The following TTC7B variants were observed in gnomAD, a reference collection of about 807,000 sequenced individuals.
TTC7B encodes tetratricopeptide repeat protein 7B.
Under a neutral mutation model 106.8 loss-of-function variants are expected in TTC7B, and 28 were observed. The ratio of observed to expected loss-of-function variants is 0.26; its 90% confidence interval spans 0.19 to 0.36. TTC7B has a LOEUF of 0.36. TTC7B is among the 10% of genes least tolerant of loss of function. The pLI is 1.00. For synonymous variants in TTC7B, 405 were observed against 430.6 expected (o/e 0.94, Z 0.74); for missense variants, 862 against 1,076.4 (o/e 0.80, Z 2.79).
At chr14:90,613,992 T>A (rs1595207691) in intron 16 of TTC7B, among the ~76,000 whole-genome samples, 1 of 152,166 alleles carries the variant, frequency 6.6e-6, no homozygotes, top group African/African-American at 2.4e-5. Context: ...GGCTTGGTGG[T>A]GGTGGGGCGG....
chr14:90,549,962 A>G (rs1890006414), intron 19 of TTC7B, among the ~76,000 whole-genome samples: 1 of 152,140 alleles, frequency 6.6e-6, no homozygotes, highest in Non-Finnish European at 1.5e-5. Context: ...CATAAGACTG[A>G]TGGAACAGAC....
intron 2 of TTC7B, among the ~76,000 whole-genome samples, chr14:90,781,717 G>A (rs1352184827): frequency 3.3e-5 from 5 of 152,088 alleles, no homozygotes; most frequent in Non-Finnish European, 7.4e-5. Flanking sequence ...TTTCCAGGGC[G>A]AAGTTTCTCA....
chr14:90,698,839 G>A, intron 5 of TTC7B: 1 of 223,022 alleles, frequency 4.5e-6, no homozygotes, highest in South Asian at 5.5e-5. Flanking sequence ...ATTATGGAGA[G>A]CTCAGGCCAG....
chr14:90,556,437 C>T (rs1421407765), intron 19 of TTC7B, among the ~76,000 whole-genome samples: 1 of 152,178 alleles, frequency 6.6e-6, no homozygotes, highest in Non-Finnish European at 1.5e-5. Flanking sequence ...GGGGGGCCTG[C>T]TGCATGCCAG....
In TTC7B at chr14:90,541,369, C is replaced by T; in HGVS notation, c.2531G>A (p.Ter844=). ...CAGGTGAGGCTGGCAGGCGCCTGCT[C>T]AGAGCACGCGGGGGATGATGGTGAA... ...VPFTIIPRVL[*] The change falls in exon 20 of 20, where the codon TGA becomes TAA. Residue 844 remains the stop codon, a stop_retained_variant. Coordinates refer to ENST00000328459, the MANE Select transcript of TTC7B (RefSeq NM_001010854.2). 1 of 1,594,402 alleles carries T rather than the reference C, an allele frequency of 6.3e-7. No individual in the cohort carries two copies. Among genetic ancestry groups the T allele is most frequent in the Non-Finnish European group, 8.5e-7 (1 of 1,171,050 alleles).
intron 19 of TTC7B, among the ~76,000 whole-genome samples, chr14:90,576,214 C>T (rs768003186): frequency 3.9e-5 from 6 of 152,100 alleles, no homozygotes; most frequent in African/African-American, 7.2e-5. Context: ...CATGCAGCCT[C>T]TTTTTAATAA....
intron 1 of TTC7B, among the ~76,000 whole-genome samples, chr14:90,809,396 C>A (rs565621506): frequency 5.9e-5 from 9 of 152,338 alleles, no homozygotes; most frequent in African/African-American, 2.2e-4. Flanking sequence ...GGCCAGGGCC[C>A]CTACAGTGAA....
At position 90,548,543 on chromosome 14, in the gene TTC7B, G is replaced by C. The variant is rs1243381599; in HGVS notation, c.2311-6954C>G. On this transcript the variant is annotated intron_variant, in intron 19 of 19. Coordinates refer to ENST00000328459, the MANE Select transcript of TTC7B (RefSeq NM_001010854.2). The stretch of plus-strand genomic sequence containing the variant: ...GCTTTTGACACCATCTTGTGTGACA[G>C]GTGCCACATTAATTGAGGTGGCTTA... Among the ~76,000 whole-genome samples, 4 of 152,344 alleles carry C rather than the reference G, an allele frequency of 2.6e-5. No homozygotes were observed. The South Asian group carries it at 6.2e-4, about 24-fold the overall frequency.
intron 7 of TTC7B, among the ~76,000 whole-genome samples, chr14:90,686,078 G>C (rs1292555486): frequency 6.6e-6 from 1 of 152,116 alleles, no homozygotes. Flanking sequence ...TATAAATATA[G>C]ATGTAAAAAT....
chr14:90,576,107 G>A (rs535205302), intron 19 of TTC7B, among the ~76,000 whole-genome samples: 2 of 152,010 alleles, frequency 1.3e-5, no homozygotes, highest in South Asian at 2.1e-4. Flanking sequence ...AAACTCTCCC[G>A]GTGCGATTTT....
chr14:90,714,527 G>A (rs986463110), intron 5 of TTC7B, among the ~76,000 whole-genome samples: 63 of 151,310 alleles, frequency 4.2e-4, no homozygotes, highest in African/African-American at 6.1e-4. Context: ...CGCAATCTTG[G>A]CTCACTGCAA....
chr14:90,802,463 TGACAGAGGGCGCCAGC>T lies in TTC7B; in HGVS notation c.121+13696_121+13711del, dbSNP rs1384084857. Reference sequence around the variant, plus strand: ...TGAAGGGAGTGAGGGCTCCAAGCAGTGACAGAGGGCGCCAGCAGTGACAGAGGGGAAAGCTGGTCGA... The same window carrying T: ...TGAAGGGAGTGAGGGCTCCAAGCAGTAGTGACAGAGGGGAAAGCTGGTCGA... On this transcript the variant is annotated intron_variant, in intron 1 of 19. Transcript: ENST00000328459. The surrounding 1 kb of genome is among the most constrained non-coding windows in gnomAD (Gnocchi z 4.7). 0.016 allele frequency among the ~76,000 whole-genome samples: 283 copies of T among 18,082 alleles called. 5 individuals carry two copies. The highest frequency in any genetic ancestry group is 7.9e-3 in the Non-Finnish European group (42 of 5,326). 11.9% of individuals were successfully genotyped at this position (18,082 alleles called of 152,430 possible).
At chr14:90,704,359 T>C (rs1566845914) in intron 5 of TTC7B, among the ~76,000 whole-genome samples, 1 of 152,230 alleles carries the variant, frequency 6.6e-6, no homozygotes, top group Non-Finnish European at 1.5e-5. Flanking sequence ...TTCTTCTCAA[T>C]TGTAGCTTTA....
At chr14:90,554,772 G>C (rs1050795928) in intron 19 of TTC7B, among the ~76,000 whole-genome samples, 1 of 152,242 alleles carries the variant, frequency 6.6e-6, no homozygotes, top group Non-Finnish European at 1.5e-5. Flanking sequence ...TTTGAACAAA[G>C]AAGAAGGCGG....
chr14:90,642,032 T>C (rs1401353211), intron 15 of TTC7B, among the ~76,000 whole-genome samples: 1 of 152,180 alleles, frequency 6.6e-6, no homozygotes, highest in Admixed American at 6.5e-5. Flanking sequence ...TGCATCAGGT[T>C]GTACTTTACC....
At chr14:90,768,923 G>A (rs927632734) in intron 3 of TTC7B, among the ~76,000 whole-genome samples, 5 of 152,108 alleles carry the variant, frequency 3.3e-5, no homozygotes, top group Non-Finnish European at 4.4e-5. Context: ...ACTTTGGCTT[G>A]TAATTCCATG....
rs532420402 is a variant in TTC7B at position 90,581,225 on chromosome 14, T to C, written c.2108-2917A>G. Among the ~76,000 whole-genome samples the C allele has an allele frequency of 2.0e-5, 3 of 152,280 alleles. No individual in the cohort carries two copies. The East Asian group carries it at 5.8e-4, about 29-fold the overall frequency. On this transcript the variant is annotated intron_variant, in intron 18 of 19. Transcript: ENST00000328459. ...AGAAACTCGAGCAATTCCAGCACCA[T>C]GCACTGAGCCCTGAAGGTGACCGCC...
rs990532790 is a variant in TTC7B at position 90,542,797 on chromosome 14, G to T, written c.2311-1208C>A. On this transcript the variant is annotated intron_variant, in intron 19 of 19. Transcript: ENST00000328459. ...ATGAGCTCCTTTTAGTGGCCCTGGG[G>T]GAGGATCAGTGGAACGGCCTTGACA... Among the ~76,000 whole-genome samples, 43 of 152,306 alleles carry T rather than the reference G, an allele frequency of 2.8e-4. 1 individual carries two copies. Among genetic ancestry groups the T allele is most frequent in the African/African-American group, 1.0e-3 (43 of 41,554 alleles).
At position 90,550,566 on chromosome 14, in the gene TTC7B, C is replaced by A. The variant is rs144245929; in HGVS notation, c.2311-8977G>T. ...TTCCCAGCCAGTCAAGATGGCCACC[C>A]TGAAGGCTGCAATCCTTTGTAAGAA... On this transcript the variant is annotated intron_variant, in intron 19 of 19. Transcript: ENST00000328459. 7.5e-3 allele frequency among the ~76,000 whole-genome samples: 1,148 copies of A among 152,308 alleles called. 12 individuals carry two copies. The highest frequency in any genetic ancestry group is 0.026 in the African/African-American group (1,093 of 41,568).
Sources: gnomAD v4.1 joint callset for allele counts (sites outside exome capture counted in the v4.1 genomes callset) on GRCh38, gnomAD v4.1.1 for gene constraint, Gnocchi (gnomAD v3.1) non-coding constraint, MANE v1.5 for transcripts, NCBI Gene and HGNC (gene_info 2026-07-23, HGNC 2026-07-21) for gene names.